Variants in NAV3 observed in about 807,000 individuals in gnomAD.
NAV3 encodes neuron navigator 3.
In NAV3, 87 loss-of-function variants were observed where a neutral mutation model predicts 244.7. That is an observed-to-expected ratio of 0.36 (90% CI 0.30 to 0.42). NAV3 has a LOEUF of 0.42. Ranked by LOEUF, NAV3 falls within the 20% of genes least tolerant of loss-of-function variation. The pLI, the probability that NAV3 is intolerant of heterozygous loss-of-function variation, is 1.00. For missense variants in NAV3, 2,663 were observed against 2,893.3 expected (o/e 0.92, Z 1.83); for synonymous variants, 1,126 against 1,042.2 (o/e 1.08, Z -1.55).
At chr12:77,607,661 C>G (rs1426036797) in intron 2 of NAV3, among the ~76,000 whole-genome samples, 1 of 152,026 alleles carries the variant, frequency 6.6e-6, no homozygotes, top group African/African-American at 2.4e-5. Flanking sequence ...GTCTAATTAT[C>G]AAGCATTCAA....
chr12:78,094,830 C>T (rs966475053), intron 12 of NAV3, among the ~76,000 whole-genome samples: 3 of 151,774 alleles, frequency 2.0e-5, no homozygotes, highest in Non-Finnish European at 2.9e-5. Flanking sequence ...AGGTGGATCA[C>T]GAGGTCAGGA....
At chr12:77,978,905 T>A (rs1029153117) in intron 5 of NAV3, among the ~76,000 whole-genome samples, 1 of 151,968 alleles carries the variant, frequency 6.6e-6, no homozygotes, top group African/African-American at 2.4e-5. Context: ...TAAAATTACA[T>A]CTCAATACAT....
At chr12:78,032,569 A>G (rs1477012768) in intron 9 of NAV3, among the ~76,000 whole-genome samples, 1 of 152,144 alleles carries the variant, frequency 6.6e-6, no homozygotes, top group Admixed American at 6.6e-5. Context: ...ACCTAGTTGT[A>G]TTTACCCAAT....
chr12:77,781,066 T>G (rs913791278), intron 2 of NAV3, among the ~76,000 whole-genome samples: 18 of 152,192 alleles, frequency 1.2e-4, no homozygotes, highest in African/African-American at 4.3e-4. Context: ...CAGGTTTATT[T>G]GTTTCATGGT....
chr12:77,897,422 C>A (rs180703308), intron 1 of NAV3, among the ~76,000 whole-genome samples: 1 of 152,204 alleles, frequency 6.6e-6, no homozygotes, highest in East Asian at 1.9e-4. Context: ...AATCCTAGAA[C>A]TCTGACCCCA....
In NAV3 at chr12:78,197,405, T is replaced by G. The variant is rs555234660; in HGVS notation, c.6446+4T>G. On this transcript the variant is annotated splice_donor_region_variant and intron_variant, in intron 35 of 39. Transcript: ENST00000397909. ...TCAATTGTAAATACAACAAATGGTA[T>G]GCTTATCAAATATTCTGAATAATGA... 1.3e-6 allele frequency: 2 copies of G among 1,584,382 alleles called. No individual in the cohort carries two copies. Among genetic ancestry groups the G allele is most frequent in the South Asian group, 2.3e-5 (2 of 85,704 alleles).
chr12:78,082,280 G>C (rs1593507812), intron 12 of NAV3, among the ~76,000 whole-genome samples: 1 of 152,122 alleles, frequency 6.6e-6, no homozygotes, highest in Admixed American at 6.5e-5. Flanking sequence ...AGCAGCATGA[G>C]AACAGACTAA....
chr12:77,666,417 C>T (rs1210910578), intron 2 of NAV3, among the ~76,000 whole-genome samples: 1 of 151,868 alleles, frequency 6.6e-6, no homozygotes, highest in Non-Finnish European at 1.5e-5. Context: ...AATCAGATTA[C>T]TTGAATCATA....
rs1593754404 is a variant in NAV3, at chr12:78,140,304, G to A, written c.4653G>A (p.Leu1551=). 1 of 1,613,390 alleles carries A rather than the reference G, an allele frequency of 6.2e-7. No homozygotes were observed. Among genetic ancestry groups the A allele is most frequent in the Non-Finnish European group, 8.5e-7 (1 of 1,179,654 alleles). Reference sequence around the variant, plus strand: ...CAGTTCATGGCTCTTCATTATCACTGGTGTCCAGCACTTCTTCTCTTTACT... The same window carrying A: ...CAGTTCATGGCTCTTCATTATCACTAGTGTCCAGCACTTCTTCTCTTTACT... ...MEEVHGSSLS[L]VSSTSSLYST... The change falls in exon 20 of 40, where the codon CTG becomes CTA. Residue 1551 remains leucine, a synonymous_variant. Coordinates refer to ENST00000397909, the MANE Select transcript of NAV3 (RefSeq NM_001024383.2).
chr12:77,655,252 A>T (rs1406234639), intron 2 of NAV3, among the ~76,000 whole-genome samples: 2 of 152,206 alleles, frequency 1.3e-5, no homozygotes, highest in Non-Finnish European at 2.9e-5. Flanking sequence ...AATACAGAGA[A>T]GTGCTTAAAG....
At chr12:77,626,330 C>G (rs1871620413) in intron 2 of NAV3, among the ~76,000 whole-genome samples, 1 of 151,588 alleles carries the variant, frequency 6.6e-6, no homozygotes, top group African/African-American at 2.4e-5. Flanking sequence ...ATAAAGTGAC[C>G]AATTATATGA....
chr12:77,996,994 A>C (rs780423595), intron 6 of NAV3, among the ~76,000 whole-genome samples: 8 of 152,018 alleles, frequency 5.3e-5, no homozygotes, highest in Non-Finnish European at 8.8e-5. Flanking sequence ...TGTAATCCCA[A>C]CACTTTGGGA....
intron 2 of NAV3, among the ~76,000 whole-genome samples, chr12:77,683,754 G>C (rs1874580771): frequency 6.6e-6 from 1 of 151,696 alleles, no homozygotes; most frequent in Non-Finnish European, 1.5e-5. Context: ...AGATTCTTTT[G>C]TTTACTGTGC....
chr12:77,578,364 T>C (rs1869194075), intron 2 of NAV3, among the ~76,000 whole-genome samples: 1 of 152,158 alleles, frequency 6.6e-6, no homozygotes, highest in Non-Finnish European at 1.5e-5. Context: ...CCAGGAGGAT[T>C]AAGTTTTAGT....
At chr12:77,977,712 G>GCACACACACACACA (rs540138192) in intron 5 of NAV3, among the ~76,000 whole-genome samples, 132 of 143,080 alleles carry the variant, frequency 9.2e-4, no homozygotes, top group African/African-American at 3.0e-3. Context: ...ACACACACGC[G>GCACACACACACACA]CACACACACA....
chr12:77,907,195 G>T (rs1004711151), intron 1 of NAV3, among the ~76,000 whole-genome samples: 4 of 152,184 alleles, frequency 2.6e-5, no homozygotes, highest in Admixed American at 2.6e-4. Flanking sequence ...GAGTTCCAGG[G>T]TGGTGGCGAA....
At chr12:77,771,514 C>T (rs1274389715) in intron 2 of NAV3, among the ~76,000 whole-genome samples, 2 of 152,100 alleles carry the variant, frequency 1.3e-5, no homozygotes, top group African/African-American at 4.8e-5. Context: ...GGAACCAACC[C>T]AAATGTCCCA....
At chr12:77,783,075 T>A (rs968310918) in intron 2 of NAV3, among the ~76,000 whole-genome samples, 3 of 152,088 alleles carry the variant, frequency 2.0e-5, no homozygotes, top group Admixed American at 2.0e-4. Context: ...TTAAAATTCA[T>A]TTGTACCATC....
intron 19 of NAV3, among the ~76,000 whole-genome samples, chr12:78,138,089 A>G (rs112027392): frequency 1.6e-4 from 24 of 152,272 alleles, no homozygotes; most frequent in African/African-American, 5.8e-4. Flanking sequence ...AACTTACAGC[A>G]TACATATTAT....
Sources: allele counts gnomAD v4.1 joint callset (sites outside exome capture counted in the v4.1 genomes callset), GRCh38; gene constraint gnomAD v4.1.1; transcripts MANE v1.5; gene names NCBI Gene and HGNC (gene_info 2026-07-23, HGNC 2026-07-21).